The following TBX22 variants were observed in gnomAD, a reference collection of about 807,000 sequenced individuals.
The protein encoded by TBX22 is T-box transcription factor 22.
A neutral mutation model predicts 30.1 loss-of-function variants in TBX22; 8 were observed. The ratio of observed to expected loss-of-function variants is 0.27; its 90% CI spans 0.16 to 0.48. The LOEUF is 0.48. Among genes scored for constraint, TBX22 ranks in the 20% least tolerant of loss-of-function variants. The pLI is 0.99. For synonymous variants in TBX22, 173 were observed against 149.1 expected, an observed-to-expected ratio of 1.16 and a Z score of -1.17; for missense variants, 463 against 400.5, an observed-to-expected ratio of 1.16 and a Z score of -1.33.
intron 4 of TBX22, 106 bp downstream of exon 4, chrX:80,024,270 G>C (rs7887798): frequency 2.9e-6 from 2 of 700,679 alleles, no homozygotes; most frequent in African/African-American, 4.3e-5. Context: ...TAGCATGGGG[G>C]GTGGGAGTGG....
chrX:80,021,052 T>C (rs1923666373), intron 1 of TBX22, among the ~76,000 whole-genome samples: 1 of 110,721 alleles, frequency 9.0e-6, no homozygotes, highest in African/African-American at 3.3e-5. Flanking sequence ...TTGGATGTTG[T>C]AGACAAGTCT....
At chrX:80,015,090 A>C (rs1303821732) in intron 1 of TBX22, among the ~76,000 whole-genome samples, 1 of 110,579 alleles carries the variant, frequency 9.0e-6, no homozygotes, top group Non-Finnish European at 1.9e-5. Flanking sequence ...TTCTCGGGGG[A>C]CTGGAAGTAG....
chrX:80,023,943 AAAGGG>A, intron 3 of TBX22, 115 bp from the exon 4 acceptor site: 1 of 632,789 alleles, frequency 1.6e-6, no homozygotes, highest in Middle Eastern at 3.1e-4. Context: ...GCTATTTTGA[AAAGGG>A]AAGGGTATTG....
chrX:80,015,204 C>T (rs1305684863), intron 1 of TBX22, among the ~76,000 whole-genome samples: 1 of 112,229 alleles, frequency 8.9e-6, no homozygotes. Context: ...TCCTAGGCAG[C>T]AATGCAGCCA....
intron 6 of TBX22, 126 bp downstream of exon 6, chrX:80,026,994 A>C: frequency 1.4e-6 from 1 of 728,452 alleles, no homozygotes; most frequent in Non-Finnish European, 2.1e-6. Flanking sequence ...GTTTTATTGT[A>C]TTGTCATCCA....
chrX:80,022,962 G>C (rs1477086859), intron 2 of TBX22, 98 bp from the exon 3 acceptor site: 1 of 891,395 alleles, frequency 1.1e-6, no homozygotes, highest in African/African-American at 2.0e-5. Flanking sequence ...CTGGGGAAGG[G>C]ACAAGGCCCT....
In TBX22 at chrX:80,031,534, G is replaced by A. The variant is rs1003972140; in HGVS notation, c.*423G>A. 4.7e-5 allele frequency: 6 copies of A among 127,950 alleles called. No homozygotes were observed. The highest frequency in any genetic ancestry group is 7.9e-5 in the Non-Finnish European group (5 of 63,404). The allele number at this position is 127,950 out of a possible 1,213,427, so 10.5% of individuals were successfully genotyped here. A position where few individuals can be genotyped will look rare whatever the true frequency, so the allele number is the denominator to read the frequency against. On this transcript the variant is annotated 3_prime_UTR_variant, in exon 9 of 9. Transcript: ENST00000373296. ...AATTTCAGTTTTAAAAATGAAGATC[G>A]GCTTTCATGTAATTATCTAGTAGTT...
At position 80,030,172 on chromosome X, in the gene TBX22, G is replaced by A. The variant is rs767354151; in HGVS notation, c.950-326G>A. On this transcript the variant is annotated intron_variant, in intron 8 of 8. Transcript: ENST00000373296. Reference sequence around the variant, plus strand: ...GCTCCTGTGAGAATCTAATGCTGCCGCTGATCTGAAAGGAGGCAGAGCTCA... The same window carrying A: ...GCTCCTGTGAGAATCTAATGCTGCCACTGATCTGAAAGGAGGCAGAGCTCA... Among the ~76,000 whole-genome samples, 100 of 111,747 alleles carry A rather than the reference G, an allele frequency of 8.9e-4. 1 individual carries two copies. Among genetic ancestry groups the A allele is most frequent in the Admixed American group, 2.5e-3 (26 of 10,483 alleles).
rs368136178 is a variant in TBX22 at position 80,024,158 on chromosome X, G to T, written c.452G>T (p.Arg151Leu). ...AIDVVPVDSK[R>L]YRYVYHSSQW... The stretch of plus-strand genomic sequence containing the variant: ...GATGTGGTGCCGGTGGATTCCAAAC[G>T]CTATAGGTAATGGGCCCCATAGAAT... The change falls in exon 4 of 9, where the codon CGC (arginine) becomes CTC (leucine). Residue 151 changes from arginine to leucine, a missense_variant. Coordinates refer to ENST00000373296, the MANE Select transcript of TBX22 (RefSeq NM_001109878.2). 2.7e-5 allele frequency: 33 copies of T among 1,206,057 alleles called. No individual in the cohort carries two copies. Among genetic ancestry groups the T allele is most frequent in the East Asian group, 2.4e-4 (8 of 33,665 alleles).
At chrX:80,025,223 A>T (rs911786429) in intron 4 of TBX22, among the ~76,000 whole-genome samples, 1 of 111,526 alleles carries the variant, frequency 9.0e-6, no homozygotes, top group African/African-American at 3.3e-5. Context: ...GAGTGGTGAC[A>T]GTGGCCTAGA....
chrX:80,019,320 A>G (rs920010815), intron 1 of TBX22, among the ~76,000 whole-genome samples: 3 of 111,272 alleles, frequency 2.7e-5, no homozygotes, highest in African/African-American at 9.8e-5. Context: ...ACAAAAAAAA[A>G]AGGCCATGAG....
Position 80,025,593 on chromosome X carries a change from G to GT in TBX22, c.459-4dup, listed in dbSNP as rs781287118. The stretch of plus-strand genomic sequence containing the variant: ...TGCTGCACCTAATGCCACAGCATGT[G>GT]TTTTTTCAGGTACGTCTATCACAGC... On this transcript the variant is annotated splice_polypyrimidine_tract_variant and intron_variant, in intron 4 of 8. Coordinates refer to ENST00000373296, the MANE Select transcript of TBX22 (RefSeq NM_001109878.2). 2.5e-6 allele frequency: 3 copies of GT among 1,205,442 alleles called. No homozygotes were observed. Among genetic ancestry groups the GT allele is most frequent in the South Asian group, 1.8e-5 (1 of 56,836 alleles).
At position 80,022,155 on chromosome X, in the gene TBX22, C is replaced by T. The variant is rs369326129; in HGVS notation, c.-2-113C>T. 1,104 of 714,662 alleles carry T rather than the reference C, an allele frequency of 1.5e-3. 7 individuals are homozygous for T. In the South Asian group the frequency reaches 0.021, roughly 13 times the overall value. 58.9% of individuals were successfully genotyped at this position (714,662 alleles called of 1,213,427 possible). On this transcript the variant is annotated intron_variant, in intron 1 of 8. Coordinates refer to ENST00000373296, the MANE Select transcript of TBX22 (RefSeq NM_001109878.2). ...TTTTGTTTTGTTTTGTTTTGTTTTT[C>T]CCGCTTTCCCTCCTTCCTTCACCCT...
At position 80,030,707 on chromosome X, in the gene TBX22, G is replaced by C; in HGVS notation, c.1159G>C (p.Val387Leu). The C allele has an allele frequency of 1.7e-6, 2 of 1,211,623 alleles. No individual in the cohort carries two copies. The highest frequency in any genetic ancestry group is 2.2e-6 in the Non-Finnish European group (2 of 895,465). ...TAATTTTTGGCAACAGCAACCTCTT[G>C]TTTTACCGGCTCCTGAAAGACTAGC... Reference protein sequence around the residue: ...PTNFWQQQPLVLPAPERLASS... With the variant: ...PTNFWQQQPLLLPAPERLASS... Residue 387 changes from valine (V) to leucine (L), a missense_variant, in exon 9 of 9, where the codon GTT (valine) becomes CTT (leucine). Val to Leu is a conservative substitution (Grantham distance 32). Coordinates refer to ENST00000373296, the MANE Select transcript of TBX22 (RefSeq NM_001109878.2).
chrX:80,018,564 C>T (rs1043406502), intron 1 of TBX22, among the ~76,000 whole-genome samples: 2 of 111,970 alleles, frequency 1.8e-5, no homozygotes, highest in East Asian at 5.6e-4. Flanking sequence ...TGTTTCGCCT[C>T]AAAGAATTCA....
intron 6 of TBX22, 95 bp downstream of exon 6, chrX:80,026,963 C>T: frequency 1.1e-6 from 1 of 881,684 alleles, no homozygotes; most frequent in Non-Finnish European, 1.7e-6. Context: ...GCATTTTCCA[C>T]AATTCTAAAT....
chrX:80,020,385 T>C (rs1052188264), intron 1 of TBX22, among the ~76,000 whole-genome samples: 5 of 110,878 alleles, frequency 4.5e-5, no homozygotes, highest in African/African-American at 1.6e-4. Context: ...GAACAAACAC[T>C]CTCCCCCCAC....
intron 1 of TBX22, among the ~76,000 whole-genome samples, chrX:80,021,626 C>T (rs1405390840): frequency 8.9e-6 from 1 of 112,151 alleles, no homozygotes; most frequent in Non-Finnish European, 1.9e-5. Flanking sequence ...TCCCTTTTCT[C>T]CTCTCTCTAC....
Position 80,026,695 on chromosome X carries a change from C to A in TBX22, c.634-9C>A, listed in dbSNP as rs777694182. 2.5e-6 allele frequency: 3 copies of A among 1,209,496 alleles called. No homozygotes were observed. The highest frequency in any genetic ancestry group is 3.4e-6 in the Non-Finnish European group (3 of 894,669). On this transcript the variant is annotated splice_polypyrimidine_tract_variant and intron_variant, in intron 5 of 8. Coordinates refer to ENST00000373296, the MANE Select transcript of TBX22 (RefSeq NM_001109878.2). ...GTTTTTCTAACAGCATTGATCATTT[C>A]TCCTCCAGATCATTCTGCAATCCAT...
Sources: gnomAD v4.1 joint callset for allele counts (sites outside exome capture counted in the v4.1 genomes callset) on GRCh38, gnomAD v4.1.1 for gene constraint, MANE v1.5 for transcripts, NCBI Gene and HGNC (gene_info 2026-07-23, HGNC 2026-07-21) for gene names.